RIMS2: variants seen among roughly 807,000 people sequenced by gnomAD.
RIMS2 encodes the protein regulating synaptic membrane exocytosis protein 2.
RIMS2 carries 59 observed loss-of-function variants against 174.4 expected under a neutral mutation model. The ratio of observed to expected loss-of-function variants is 0.34; its 90% CI spans 0.27 to 0.42. The LOEUF (loss-of-function observed/expected upper bound fraction) is 0.42, where lower values mean the gene tolerates loss of function less well. RIMS2 is among the 10% of genes least tolerant of loss of function. The pLI is 1.00. For synonymous variants in RIMS2, 606 were observed against 572.5 expected (o/e 1.06, Z -0.84); for missense variants, 1,620 against 1,666.3 (o/e 0.97, Z 0.48).
At chr8:103,679,161 T>A (rs1399017322) in intron 1 of RIMS2, among the ~76,000 whole-genome samples, 2 of 152,024 alleles carry the variant, frequency 1.3e-5, no homozygotes, top group African/African-American at 4.8e-5. Flanking sequence ...CAGAACACTA[T>A]ATATCCTGAA....
At chr8:103,795,963 C>T (rs79263410) in intron 3 of RIMS2, among the ~76,000 whole-genome samples, 23,922 of 152,104 alleles carry the variant, frequency 0.16, 1,989 homozygotes, top group Middle Eastern at 0.24. Context: ...CCTTTGTCAT[C>T]CCCTAGCCCA....
At chr8:103,710,988 T>C (rs181010212) in intron 2 of RIMS2, among the ~76,000 whole-genome samples, 7 of 152,338 alleles carry the variant, frequency 4.6e-5, no homozygotes, top group Admixed American at 2.0e-4. Context: ...GAAAGTGAGA[T>C]AGTGTATCAC....
intron 1 of RIMS2, among the ~76,000 whole-genome samples, chr8:103,523,813 A>G (rs1832793665): frequency 6.6e-6 from 1 of 151,954 alleles, no homozygotes; most frequent in African/African-American, 2.4e-5. Flanking sequence ...TTGACATTTT[A>G]TTATTTCTAT....
chr8:103,696,497 G>A (rs142415816), intron 1 of RIMS2, among the ~76,000 whole-genome samples: 59 of 152,156 alleles, frequency 3.9e-4, no homozygotes, highest in African/African-American at 1.3e-3. Flanking sequence ...CCAAATGGAA[G>A]ATAGAAATTT....
intron 19 of RIMS2, among the ~76,000 whole-genome samples, chr8:104,170,299 T>C (rs2098824595): frequency 6.6e-6 from 1 of 152,142 alleles, no homozygotes; most frequent in Non-Finnish European, 1.5e-5. Context: ...TGTTGCTATC[T>C]ATCTCATTTC....
chr8:103,628,800 G>T (rs2095847333), intron 1 of RIMS2, among the ~76,000 whole-genome samples: 1 of 144,402 alleles, frequency 6.9e-6, no homozygotes, highest in African/African-American at 2.6e-5. Context: ...GCTGTCTCTA[G>T]CTAAAGGACC....
chr8:103,812,107 G>A (rs1395884842), intron 3 of RIMS2, among the ~76,000 whole-genome samples: 1 of 151,988 alleles, frequency 6.6e-6, no homozygotes, highest in East Asian at 1.9e-4. Context: ...TTTTTTTTCA[G>A]CTGGCCATCA....
chr8:104,164,234 G>C (rs932864000), intron 19 of RIMS2, among the ~76,000 whole-genome samples: 1 of 152,028 alleles, frequency 6.6e-6, no homozygotes, highest in East Asian at 1.9e-4. Context: ...TTTCTGACTT[G>C]CCATCAGTCA....
In RIMS2 at chr8:103,697,072, T is replaced by C. The variant is rs775695702; in HGVS notation, c.177-14T>C. The C allele has an allele frequency of 6.3e-7, 1 of 1,594,736 alleles. No homozygotes were observed. ...CAGGAAACCAACTTTTTTTCTTATC[T>C]ATTTTCTCTGCAGAAAACTGCATCA... is the stretch of plus-strand genomic sequence containing the variant. On this transcript the variant is annotated splice_polypyrimidine_tract_variant and intron_variant, in intron 1 of 23. Transcript: ENST00000504942.
chr8:103,611,752 G>A (rs372245733), intron 1 of RIMS2, among the ~76,000 whole-genome samples: 3 of 151,326 alleles, frequency 2.0e-5, no homozygotes, highest in Non-Finnish European at 2.9e-5. Flanking sequence ...CCTTGACATC[G>A]TCTTCTTTGG....
At chr8:104,197,780 GA>G (rs983127349) in intron 19 of RIMS2, among the ~76,000 whole-genome samples, 1 of 151,956 alleles carries the variant, frequency 6.6e-6, no homozygotes, top group African/African-American at 2.4e-5. Context: ...TAGGTGGATG[GA>G]AAAGGAGAAT....
rs76476657 is a variant in RIMS2 at position 103,842,982 on chromosome 8, C to G, written c.699-42316C>G. On this transcript the variant is annotated intron_variant, in intron 3 of 23. Coordinates refer to ENST00000504942, the Ensembl canonical transcript of RIMS2. ...CCTCTTTGTACACAATCCTTAGTGT[C>G]TCTGTCCAAATTTCCTCTTCTTATA... 1.6e-4 allele frequency among the ~76,000 whole-genome samples: 25 copies of G among 152,306 alleles called. No homozygotes were observed. The East Asian group carries it at 4.8e-3, about 29-fold the overall frequency.
At chr8:103,822,774 A>AT (rs1564769147) in intron 3 of RIMS2, among the ~76,000 whole-genome samples, 1 of 151,856 alleles carries the variant, frequency 6.6e-6, no homozygotes, top group Non-Finnish European at 1.5e-5. Flanking sequence ...CTTTAGTTTA[A>AT]TTTTTTGTTA....
At chr8:103,998,108 T>C in intron 17 of RIMS2, 2 of 1,131,836 alleles carry the variant, frequency 1.8e-6, no homozygotes, top group South Asian at 2.8e-5. Flanking sequence ...AAAATCTCAC[T>C]TTTTAAATTA....
At chr8:103,673,751 C>T (rs2096774519) in intron 1 of RIMS2, among the ~76,000 whole-genome samples, 1 of 152,232 alleles carries the variant, frequency 6.6e-6, no homozygotes, top group South Asian at 2.1e-4. Flanking sequence ...TAGCAGTTGG[C>T]TCCCATTTAG....
chr8:103,927,054 T>G (rs2078915294), intron 10 of RIMS2, among the ~76,000 whole-genome samples: 1 of 151,440 alleles, frequency 6.6e-6, no homozygotes, highest in Non-Finnish European at 1.5e-5. Context: ...CTCATAAGGT[T>G]GTTGGACATA....
At chr8:104,037,926 T>C (rs1197083321) in intron 19 of RIMS2, among the ~76,000 whole-genome samples, 1 of 152,120 alleles carries the variant, frequency 6.6e-6, no homozygotes, top group Non-Finnish European at 1.5e-5. Context: ...ATGTTTTCTA[T>C]GTTTGGATAT....
intron 1 of RIMS2, among the ~76,000 whole-genome samples, chr8:103,607,196 C>T (rs368600172): frequency 4.0e-5 from 6 of 151,728 alleles, no homozygotes; most frequent in South Asian, 2.1e-4. Context: ...GGGCAGGCCT[C>T]GTGGTGACAA....
intron 14 of RIMS2, among the ~76,000 whole-genome samples, chr8:103,958,829 T>C (rs1307109741): frequency 6.6e-6 from 1 of 152,168 alleles, no homozygotes; most frequent in Non-Finnish European, 1.5e-5. Flanking sequence ...TTGAGGAGTC[T>C]GAGAAAAGTC....
Sources: gnomAD v4.1 joint callset for allele counts (sites outside exome capture counted in the v4.1 genomes callset) on GRCh38, gnomAD v4.1.1 for gene constraint, MANE v1.5 for transcripts, NCBI Gene and HGNC (gene_info 2026-07-23, HGNC 2026-07-21) for gene names.